The following WNT10A variants were observed in gnomAD, a reference collection of about 807,000 sequenced individuals.
WNT10A encodes the protein protein Wnt-10a.
A neutral mutation model predicts 36.1 loss-of-function variants in WNT10A; 37 were observed. The ratio of observed to expected loss-of-function variants is 1.02; its 90% confidence interval spans 0.79 to 1.35. The LOEUF (loss-of-function observed/expected upper bound fraction) is 1.35, where lower values mean the gene tolerates loss of function less well. Among genes scored for constraint, WNT10A ranks in the 40% most tolerant of loss-of-function variants. The pLI, the probability that WNT10A is intolerant of heterozygous loss-of-function variation, is 0.00. For synonymous variants in WNT10A, 255 were observed against 254.1 expected (o/e 1.00, Z -0.03); for missense variants, 613 against 601.4 (o/e 1.02, Z -0.20).
At chr2:218,890,450 G>C in intron 3 of WNT10A, 87 bp downstream of exon 3, 1 of 1,576,788 alleles carries the variant, frequency 6.3e-7, no homozygotes, top group Non-Finnish European at 8.6e-7. Context: ...TGAGGACCAC[G>C]TTGCTCCCAC....
chr2:218,880,019 G>A (rs1190404842), upstream of WNT10A, among the ~76,000 whole-genome samples: 1 of 152,124 alleles, frequency 6.6e-6, no homozygotes, highest in African/African-American at 2.4e-5. The surrounding 1 kb of genome is among the most constrained non-coding windows in gnomAD (Gnocchi z 7.7). Context: ...AGGTCTCCGT[G>A]AGCAGGAGCA....
chr2:218,893,256 C>A lies in WNT10A; in HGVS notation c.1239C>A (p.Val413=), dbSNP rs1189350015. Residue 413 remains valine (V), a synonymous_variant, in exon 4 of 4, where the codon GTC becomes GTA. Transcript: ENST00000258411. This position sits in a 1 kb window ranked among gnomAD's most constrained non-coding sequence, Gnocchi z 6.3. ...VCEECRITEW[V]SVCK ...AAGAGTGCCGCATCACCGAGTGGGT[C>A]AGCGTCTGCAAGTGAGCGGCCCGGG... 6 of 1,554,982 alleles carry A rather than the reference C, an allele frequency of 3.9e-6. No individual in the cohort carries two copies. The highest frequency in any genetic ancestry group is 5.2e-6 in the Non-Finnish European group (6 of 1,156,862).
chr2:218,880,635 G>A, upstream of WNT10A: 1 of 237,538 alleles, frequency 4.2e-6, no homozygotes, highest in Admixed American at 6.0e-5. This position sits in a 1 kb window ranked among gnomAD's most constrained non-coding sequence, Gnocchi z 7.7. Context: ...GCGCTGCGCT[G>A]GAGGGTTCCC....
rs761861061 is a variant in WNT10A at position 218,893,177 on chromosome 2, C to A, written c.1160C>A (p.Thr387Lys). 7 of 1,582,812 alleles carry A rather than the reference C, an allele frequency of 4.4e-6. No individual in the cohort carries two copies. In the Admixed American group the frequency reaches 1.2e-4, roughly 27 times the overall value. Residue 387 changes from threonine (T) to lysine (K), a missense_variant, in exon 4 of 4, where the codon ACG (threonine) becomes AAG (lysine). Physicochemically the swap from Thr to Lys is moderately conservative, Grantham distance 78 (BLOSUM62 -1). Transcript: ENST00000258411. This position sits in a 1 kb window ranked among gnomAD's most constrained non-coding sequence, Gnocchi z 6.3. ...CGCGGCCACAACATCCTGCGCCAGA[C>A]GCGCAGCGAGCGCTGCCACTGCCGC... ...CGRGHNILRQ[T>K]RSERCHCRFH...
At chr2:218,877,606 G>A (rs774795734), upstream of WNT10A, among the ~76,000 whole-genome samples, 1 of 152,168 alleles carries the variant, frequency 6.6e-6, no homozygotes, top group Non-Finnish European at 1.5e-5. The surrounding 1 kb of genome is among the most constrained non-coding windows in gnomAD (Gnocchi z 4.1). Flanking sequence ...GTGCAAAGAG[G>A]CACCCCAGAT....
intron 2 of WNT10A, 110 bp from the exon 3 acceptor site, chr2:218,889,874 C>A: frequency 6.4e-7 from 1 of 1,559,316 alleles, no homozygotes; most frequent in Non-Finnish European, 8.7e-7. Flanking sequence ...GTGCCAGACT[C>A]TCCTGCATAC....
At chr2:218,882,128 A>C (rs569675304) in intron 1 of WNT10A, 33 bp from the exon 2 acceptor site, 1 of 1,605,164 alleles carries the variant, frequency 6.2e-7, no homozygotes, top group East Asian at 2.2e-5. Context: ...GTCCCCCCAA[A>C]ACACGTACCC....
upstream of WNT10A, chr2:218,880,828 C>T: frequency 8.6e-6 from 6 of 695,366 alleles, no homozygotes; most frequent in South Asian, 2.2e-5. This position sits in a 1 kb window ranked among gnomAD's most constrained non-coding sequence, Gnocchi z 7.7. Flanking sequence ...GGGTGCTGCC[C>T]CATGGAGCGG....
Position 218,893,109 on chromosome 2 carries a change from G to A in WNT10A, c.1092G>A (p.Lys364=), listed in dbSNP as rs1225945394. Reference sequence around the variant, plus strand: ...GCACCGTGGGCCGCCTGTGCAACAAGAGCAGCGCCGGCTCGGATGGCTGCG... The same window carrying A: ...GCACCGTGGGCCGCCTGTGCAACAAAAGCAGCGCCGGCTCGGATGGCTGCG... ...SAGTVGRLCN[K]SSAGSDGCGS... The change falls in exon 4 of 4, where the codon AAG becomes AAA. Residue 364 remains lysine (K), a synonymous_variant. Coordinates refer to ENST00000258411, the MANE Select transcript of WNT10A (RefSeq NM_025216.3). This position sits in a 1 kb window ranked among gnomAD's most constrained non-coding sequence, Gnocchi z 6.3. 5 of 1,595,982 alleles carry A rather than the reference G, an allele frequency of 3.1e-6. No homozygotes were observed. The highest frequency in any genetic ancestry group is 2.2e-5 in the East Asian group (1 of 44,816).
chr2:218,886,213 A>ACG (rs1944575529), intron 2 of WNT10A, among the ~76,000 whole-genome samples: 1 of 152,146 alleles, frequency 6.6e-6, no homozygotes, highest in African/African-American at 2.4e-5. Flanking sequence ...GCATACGTGC[A>ACG]CGCACACACA....
intron 2 of WNT10A, 112 bp from the exon 3 acceptor site, chr2:218,889,872 C>G (rs369143747): frequency 6.5e-7 from 1 of 1,547,902 alleles, no homozygotes; most frequent in Non-Finnish European, 8.8e-7. Flanking sequence ...TTGTGCCAGA[C>G]TCTCCTGCAT....
Position 218,890,078 on chromosome 2 carries a change from T to C in WNT10A, c.471T>C (p.Cys157=). The change falls in exon 3 of 4, where the codon TGT becomes TGC. Residue 157 remains cysteine (C), a synonymous_variant. Transcript: ENST00000258411. The part of the protein sequence containing the change: ...NACALGKLKA[C]GCDASRRGDE... Reference sequence around the variant, plus strand: ...GTGCCCTGGGCAAACTGAAGGCCTGTGGCTGTGATGCGTCCCGGCGAGGGG... The same window carrying C: ...GTGCCCTGGGCAAACTGAAGGCCTGCGGCTGTGATGCGTCCCGGCGAGGGG... The C allele has an allele frequency of 6.2e-7, 1 of 1,614,172 alleles. No homozygotes were observed. Among genetic ancestry groups the C allele is most frequent in the East Asian group, 2.2e-5 (1 of 44,888 alleles).
Position 218,893,373 on chromosome 2 carries a change from AGAG to A in WNT10A, c.*106_*108del. 6.9e-7 allele frequency: 1 copy of A among 1,442,240 alleles called. No individual in the cohort carries two copies. Among genetic ancestry groups the A allele is most frequent in the Non-Finnish European group, 9.2e-7 (1 of 1,091,586 alleles). The allele number at this position is 1,442,240 out of a possible 1,614,324, so 89.3% of individuals were successfully genotyped here. On this transcript the variant is annotated 3_prime_UTR_variant, in exon 4 of 4. Coordinates refer to ENST00000258411, the MANE Select transcript of WNT10A (RefSeq NM_025216.3). This position sits in a 1 kb window ranked among gnomAD's most constrained non-coding sequence, Gnocchi z 6.3. ...GGCAGCATCGCCTTGGCTCTTGGGA[AGAG>A]GAGATTGGACCACATGATCTTATAG...
chr2:218,893,296 G>A lies in WNT10A; in HGVS notation c.*25G>A, dbSNP rs974286327. On this transcript the variant is annotated 3_prime_UTR_variant, in exon 4 of 4. Transcript: ENST00000258411. The surrounding 1 kb of genome is among the most constrained non-coding windows in gnomAD (Gnocchi z 6.3). ...AGCGGCCCGGGGTCCCCTGGGCCCT[G>A]ATCGAGGTCCCCTCCTGGAGCCTGG... 1.1e-5 allele frequency: 17 copies of A among 1,535,734 alleles called. No individual in the cohort carries two copies. Among genetic ancestry groups the A allele is most frequent in the Non-Finnish European group, 1.5e-5 (17 of 1,146,254 alleles).
At chr2:218,884,412 T>G (rs192714035) in intron 2 of WNT10A, 1 of 151,986 alleles carries the variant, frequency 6.6e-6, no homozygotes, top group Non-Finnish European at 1.5e-5. Context: ...GCACTCAGCA[T>G]GGGGAGGGAG....
At chr2:218,880,144 C>A (rs1944492158), upstream of WNT10A, among the ~76,000 whole-genome samples, 1 of 152,176 alleles carries the variant, frequency 6.6e-6, no homozygotes, top group Admixed American at 6.5e-5. This position sits in a 1 kb window ranked among gnomAD's most constrained non-coding sequence, Gnocchi z 7.7. Context: ...GAAGTCCCTC[C>A]TCTGGCGGAG....
chr2:218,884,992 T>TA (rs1235606569), intron 2 of WNT10A, among the ~76,000 whole-genome samples: 5 of 152,238 alleles, frequency 3.3e-5, no homozygotes, highest in African/African-American at 1.2e-4. Flanking sequence ...TTAATGCTGT[T>TA]ACTATCACCT....
At chr2:218,885,146 G>A (rs1944564601) in intron 2 of WNT10A, among the ~76,000 whole-genome samples, 1 of 152,162 alleles carries the variant, frequency 6.6e-6, no homozygotes, top group South Asian at 2.1e-4. Flanking sequence ...GCCAAGGAGA[G>A]GGGATGAGGG....
At position 218,880,973 on chromosome 2, in the gene WNT10A, C is replaced by A; in HGVS notation, c.-23C>A. Reference sequence around the variant, plus strand: ...CACTGGGCTGTGAGCCCCCCACTCCCAGCCCGTCAGGGCCTGCGCGCCATG... The same window carrying A: ...CACTGGGCTGTGAGCCCCCCACTCCAAGCCCGTCAGGGCCTGCGCGCCATG... On this transcript the variant is annotated 5_prime_UTR_variant, in exon 1 of 4. Transcript: ENST00000258411. This position sits in a 1 kb window ranked among gnomAD's most constrained non-coding sequence, Gnocchi z 7.7. The A allele has an allele frequency of 6.4e-7, 1 of 1,554,836 alleles. No individual in the cohort carries two copies. Among genetic ancestry groups the A allele is most frequent in the South Asian group, 1.2e-5 (1 of 84,806 alleles).
Sources: gnomAD v4.1 joint callset for allele counts (sites outside exome capture counted in the v4.1 genomes callset) on GRCh38, gnomAD v4.1.1 for gene constraint, Gnocchi (gnomAD v3.1) non-coding constraint, MANE v1.5 for transcripts, NCBI Gene and HGNC (gene_info 2026-07-23, HGNC 2026-07-21) for gene names.